TNC: variants seen among roughly 807,000 people sequenced by gnomAD.
TNC encodes tenascin C, also known as tenascin.
TNC carries 109 observed loss-of-function variants against 202.4 expected under a neutral mutation model. The ratio of observed to expected loss-of-function variants is 0.54; its 90% CI spans 0.46 to 0.63. The LOEUF (loss-of-function observed/expected upper bound fraction) is 0.63. Ranked by LOEUF, TNC falls within the 30% of genes least tolerant of loss-of-function variation. The pLI, the probability that TNC is intolerant of heterozygous loss-of-function variation, is 0.00. For missense variants in TNC, 2,756 were observed against 2,833.3 expected, an observed-to-expected ratio of 0.97 and a Z score of 0.62; for synonymous variants, 1,007 against 1,089.7, an observed-to-expected ratio of 0.92 and a Z score of 1.50.
At chr9:115,044,570 C>CT (rs1002447033) in intron 17 of TNC, among the ~76,000 whole-genome samples, 44 of 151,962 alleles carry the variant, frequency 2.9e-4, no homozygotes, top group African/African-American at 1.1e-3. Flanking sequence ...TATTCATTCT[C>CT]TTTTTTGCTT....
intron 26 of TNC, among the ~76,000 whole-genome samples, chr9:115,025,437 C>G (rs1283443804): frequency 6.6e-6 from 1 of 152,140 alleles, no homozygotes. Context: ...TGTTTTCTTT[C>G]AGGGCTCAGG....
chr9:115,071,643 T>A (rs1234329105), intron 10 of TNC, among the ~76,000 whole-genome samples: 1 of 151,576 alleles, frequency 6.6e-6, no homozygotes, highest in Non-Finnish European at 1.5e-5. Context: ...GCAATAGGAA[T>A]CTCTCTTAGA....
chr9:115,116,151 C>T (rs1837448641), intron 1 of TNC, among the ~76,000 whole-genome samples: 1 of 151,994 alleles, frequency 6.6e-6, no homozygotes. Context: ...AGGGCTGAAA[C>T]GTTAGTCACT....
rs765328159 is a variant in TNC at position 115,095,502 on chromosome 9, G to GTA, written c.-136-4350_-136-4349dup. On this transcript the variant is annotated intron_variant, in intron 1 of 27. Transcript: ENST00000350763. Reference sequence around the variant, plus strand: ...TATGTATATATATATGTATATATATGTATATATATATGTATATATATGTAT... The same window carrying GTA: ...TATGTATATATATATGTATATATATGTATATATATATATGTATATATATGTAT... 6.5e-5 allele frequency among the ~76,000 whole-genome samples: 2 copies of GTA among 30,758 alleles called. 1 individual carries two copies. The highest frequency in any genetic ancestry group is 4.3e-4 in the African/African-American group (2 of 4,656). 20.2% of individuals were successfully genotyped at this position (30,758 alleles called of 152,430 possible). A position where few individuals can be genotyped will look rare whatever the true frequency, so the allele number is the denominator to read the frequency against.
At chr9:115,107,818 C>T (rs182620582) in intron 1 of TNC, among the ~76,000 whole-genome samples, 59 of 152,338 alleles carry the variant, frequency 3.9e-4, no homozygotes, top group African/African-American at 1.3e-3. Flanking sequence ...GATGAACTCA[C>T]TTTCCATTTC....
In TNC at chr9:115,082,927, C is replaced by G. The variant is rs1226114516; in HGVS notation, c.2132-120G>C. 3 of 664,888 alleles carry G rather than the reference C, an allele frequency of 4.5e-6. No individual in the cohort carries two copies. The African/African-American group carries it at 5.4e-5, about 12-fold the overall frequency. The allele number at this position is 664,888 out of a possible 1,614,324, so 41.2% of individuals were successfully genotyped here. ...AACAGTCAGGGGCTGACAACCAGAG[C>G]AGGTGTCCTTTTAAAGCTTCTTCTG... On this transcript the variant is annotated intron_variant, in intron 4 of 27. Coordinates refer to ENST00000350763, the MANE Select transcript of TNC (RefSeq NM_002160.4).
chr9:115,089,959 G>A (rs1404849753), intron 2 of TNC, among the ~76,000 whole-genome samples: 1 of 152,176 alleles, frequency 6.6e-6, no homozygotes, highest in African/African-American at 2.4e-5. Context: ...ATACAACAGT[G>A]CCTGTTACAC....
rs183641522 is a variant in TNC at position 115,031,050 on chromosome 9, T to C, written c.5920+503A>G. 6.6e-5 allele frequency among the ~76,000 whole-genome samples: 10 copies of C among 152,296 alleles called. No individual in the cohort carries two copies. In the East Asian group the frequency reaches 1.9e-3, roughly 29 times the overall value. The stretch of plus-strand genomic sequence containing the variant: ...TGGGCATAGGGCTCACCATACCAGC[T>C]TGGTGGGAAGATCATTTGTGATTTT... On this transcript the variant is annotated intron_variant, in intron 23 of 27. Transcript: ENST00000350763.
chr9:115,080,869 T>C (rs1834249719), intron 6 of TNC, among the ~76,000 whole-genome samples: 1 of 150,168 alleles, frequency 6.7e-6, no homozygotes, highest in Admixed American at 6.7e-5. Context: ...CTGAGATCGT[T>C]CCACTGCACT....
rs1359511347 is a variant in TNC, at chr9:115,086,427, C to T, written c.1304G>A (p.Ser435Asn). Residue 435 changes from serine (S) to asparagine (N), a missense_variant, in exon 3 of 28, where the codon AGC becomes AAC. Transcript: ENST00000350763. ...CDEGYTGEDC[S>N]QLRCPNDCHS... ...ACAGTCATTGGGGCACCGTAGCTGG[C>T]TGCAGTCCTCCCCAGTATAGCCCTC... 3.7e-6 allele frequency: 6 copies of T among 1,613,872 alleles called. No individual in the cohort carries two copies. In the African/African-American group the frequency reaches 6.7e-5, roughly 18 times the overall value.
In TNC at chr9:115,078,187, C is replaced by G. The variant is rs752653290; in HGVS notation, c.2430G>C (p.Glu810Asp). Reference protein sequence around the residue: ...TTRLDAPSQIEVKDVTDTTAL... With the variant: ...TTRLDAPSQIDVKDVTDTTAL... The stretch of plus-strand genomic sequence containing the variant: ...CAGTGGTGTCTGTGACATCTTTCAC[C>G]TCGATCTGGCTGGGGGCATCCAAGC... Residue 810 changes from glutamate to aspartate, a missense_variant, in exon 7 of 28, where the codon GAG becomes GAC. Glu to Asp is a conservative substitution (Grantham distance 45, BLOSUM62 2). Coordinates refer to ENST00000350763, the MANE Select transcript of TNC (RefSeq NM_002160.4). 1 of 1,609,526 alleles carries G rather than the reference C, an allele frequency of 6.2e-7. No homozygotes were observed. The highest frequency in any genetic ancestry group is 1.7e-4 in the Middle Eastern group (1 of 6,050).
rs759566408 is a variant in TNC at position 115,048,525 on chromosome 9, C to G, written c.4587G>C (p.Leu1529=). The change falls in exon 16 of 28, where the codon CTG becomes CTC. Residue 1529 remains leucine, a synonymous_variant. Transcript: ENST00000350763. ...AAATGGTTAGGTTTTCCAGAAGGGG[C>G]AGGGCCTCTGAAAGAAGGGAGGAGT... is the stretch of plus-strand genomic sequence containing the variant. ...TISATATTEA[L]PLLENLTISD... is the part of the protein sequence containing the mutation. 1.2e-6 allele frequency: 2 copies of G among 1,610,820 alleles called. No individual in the cohort carries two copies. Among genetic ancestry groups the G allele is most frequent in the South Asian group, 2.2e-5 (2 of 90,992 alleles).
chr9:115,031,146 C>T (rs1382024293), intron 23 of TNC, among the ~76,000 whole-genome samples: 1 of 152,206 alleles, frequency 6.6e-6, no homozygotes, highest in African/African-American at 2.4e-5. Context: ...TCATGTTGAA[C>T]TCTGACAATA....
intron 9 of TNC, among the ~76,000 whole-genome samples, chr9:115,074,553 C>A (rs1421615152): frequency 6.6e-6 from 1 of 152,202 alleles, no homozygotes; most frequent in East Asian, 1.9e-4. Context: ...ATTCTTGTTA[C>A]AGTAACTCAA....
At chr9:115,035,165 T>C (rs1288870938) in intron 22 of TNC, 39 bp downstream of exon 22, 1 of 1,552,512 alleles carries the variant, frequency 6.4e-7, no homozygotes, top group South Asian at 1.2e-5. Context: ...ATGCAAATGC[T>C]TCAACTAGCA....
chr9:115,105,076 C>A (rs1440892850), intron 1 of TNC, among the ~76,000 whole-genome samples: 1 of 152,098 alleles, frequency 6.6e-6, no homozygotes, highest in Non-Finnish European at 1.5e-5. Context: ...TCAGAAGGAG[C>A]CAGATGGAGC....
At chr9:115,116,886 G>T (rs1254800110) in intron 1 of TNC, among the ~76,000 whole-genome samples, 1 of 152,148 alleles carries the variant, frequency 6.6e-6, no homozygotes, top group Non-Finnish European at 1.5e-5. Context: ...AGCGGGGGCT[G>T]GGGGCGGGCT....
In TNC at chr9:115,073,611, G is replaced by T; in HGVS notation, c.3206C>A (p.Ala1069Glu). 1 of 1,613,168 alleles carries T rather than the reference G, an allele frequency of 6.2e-7. No individual in the cohort carries two copies. The change falls in exon 10 of 28, where the codon GCA becomes GAA. Residue 1069 changes from alanine (A) to glutamate (E), a missense_variant. By Grantham distance (107) the Ala-to-Glu change is moderately radical. Around this residue, in one of 2 missense-constraint regions of TNC, gnomAD observed 2,559 missense variants for 2,546.0 expected, o/e 1.01. Transcript: ENST00000350763. ...RHKSKPARVK[A>E]STEQAPELEN... The stretch of plus-strand genomic sequence containing the variant: ...GCTCAGGGCAGACTCACCAGTGGAT[G>T]CCTTCACACGTGCGGGCTTGCTCTT...
chr9:115,099,671 A>G (rs543670563), intron 1 of TNC, among the ~76,000 whole-genome samples: 1 of 152,232 alleles, frequency 6.6e-6, no homozygotes, highest in African/African-American at 2.4e-5. Context: ...AAAATGAGAT[A>G]ATACAGGCAA....
Sources: gnomAD v4.1 joint callset for allele counts (sites outside exome capture counted in the v4.1 genomes callset) on GRCh38, gnomAD v4.1.1 for gene constraint, gnomAD v4.1.1 regional missense constraint, MANE v1.5 for transcripts, NCBI Gene and HGNC (gene_info 2026-07-23, HGNC 2026-07-21) for gene names.